Variants in XKR4 observed in about 807,000 individuals in gnomAD.
XKR4 encodes XK-related protein 4.
XKR4 carries 12 observed loss-of-function variants against 53.9 expected under a neutral mutation model. The ratio of observed to expected loss-of-function variants is 0.22; its 90% CI spans 0.14 to 0.36. XKR4 has a LOEUF of 0.36. Among genes scored for constraint, XKR4 ranks in the 10% least tolerant of loss-of-function variants. The probability of loss-of-function intolerance (pLI) is 1.00; values close to 1 mark genes in which losing one functional copy is unlikely to be tolerated. For synonymous variants in XKR4, 354 were observed against 362.4 expected (o/e 0.98, Z 0.26); for missense variants, 799 against 859.5 (o/e 0.93, Z 0.88).
At chr8:55,424,942 A>C (rs962156235) in intron 2 of XKR4, among the ~76,000 whole-genome samples, 1 of 152,222 alleles carries the variant, frequency 6.6e-6, no homozygotes, top group Non-Finnish European at 1.5e-5. Context: ...CCACGGTTTA[A>C]AAAAATGGCA....
intron 1 of XKR4, among the ~76,000 whole-genome samples, chr8:55,175,601 A>G (rs1817221113): frequency 6.6e-6 from 1 of 152,230 alleles, no homozygotes; most frequent in African/African-American, 2.4e-5. Context: ...TCCACAAAGA[A>G]TTGCATCCAT....
At chr8:55,454,081 C>A in intron 2 of XKR4, 1 of 823,356 alleles carries the variant, frequency 1.2e-6, no homozygotes, top group East Asian at 2.6e-5. Context: ...CTTTGTCCTG[C>A]ATATTCAAGG....
chr8:55,135,666 G>A (rs1400149926), intron 1 of XKR4: 3 of 455,806 alleles, frequency 6.6e-6, no homozygotes, highest in Admixed American at 2.4e-5. Flanking sequence ...CAAAAAACAG[G>A]GAGAGTAAAG....
At chr8:55,152,375 A>C (rs16921269) in intron 1 of XKR4, among the ~76,000 whole-genome samples, 2,916 of 152,292 alleles carry the variant, frequency 0.019, 136 homozygotes, top group Admixed American at 0.1. Flanking sequence ...AAATCCAATA[A>C]GATGTTCATT....
chr8:55,369,393 A>AGGGGG (rs1804038627), intron 2 of XKR4, among the ~76,000 whole-genome samples: 1 of 15,522 alleles, frequency 6.4e-5, no homozygotes, highest in Non-Finnish European at 1.1e-4. Flanking sequence ...AGGGGAGGGG[A>AGGGGG]GGGGAGGGGA....
chr8:55,357,730 G>A lies in XKR4; in HGVS notation c.859G>A (p.Asp287Asn). ...TCGAAGCCGACAGAGTGGGGAGAAT[G>A]ACAGATGGAGGTTTTACTGGAAAAT... ...GIRSRQSGEN[D>N]RWRFYWKMVY... The change falls in exon 2 of 3, where the codon GAC (aspartate) becomes AAC (asparagine). Residue 287 changes from aspartate to asparagine, a missense_variant. By Grantham distance (23) the Asp-to-Asn change is conservative. Around this residue, in one of 3 missense-constraint regions of XKR4, gnomAD observed 476 missense variants for 505.4 expected, o/e 0.94. Coordinates refer to ENST00000327381, the MANE Select transcript of XKR4 (RefSeq NM_052898.2). 1.2e-6 allele frequency: 2 copies of A among 1,614,228 alleles called. No homozygotes were observed. Among genetic ancestry groups the A allele is most frequent in the Non-Finnish European group, 1.7e-6 (2 of 1,180,042 alleles).
At chr8:55,327,189 A>T (rs1449687443) in intron 1 of XKR4, among the ~76,000 whole-genome samples, 1 of 152,160 alleles carries the variant, frequency 6.6e-6, no homozygotes, top group Non-Finnish European at 1.5e-5. Context: ...CTTCATAATC[A>T]TTGTAAACAA....
rs780058026 is a variant in XKR4 at position 55,530,587 on chromosome 8, T to C, written c.*6360T>C. ...GAACTGATACTAAAAAGGTAGCTGATAATAAACCAAAAATTTTCTCAACCC... is the reference window on the plus strand; with the variant it reads ...GAACTGATACTAAAAAGGTAGCTGACAATAAACCAAAAATTTTCTCAACCC... On this transcript the variant is annotated 3_prime_UTR_variant, in exon 3 of 3. Transcript: ENST00000327381. 5.3e-5 allele frequency: 8 copies of C among 152,218 alleles called. No homozygotes were observed. Among genetic ancestry groups the C allele is most frequent in the Non-Finnish European group, 1.0e-4 (7 of 68,034 alleles). 9.4% of individuals were successfully genotyped at this position (152,218 alleles called of 1,614,324 possible).
intron 1 of XKR4, among the ~76,000 whole-genome samples, chr8:55,208,238 C>T (rs1817677366): frequency 2.0e-5 from 3 of 152,074 alleles, no homozygotes; most frequent in East Asian, 1.9e-4. Flanking sequence ...AACTAGAGTC[C>T]TAGTGCTGTA....
intron 2 of XKR4, among the ~76,000 whole-genome samples, chr8:55,394,418 C>A (rs1279799271): frequency 6.6e-6 from 1 of 152,044 alleles, no homozygotes; most frequent in African/African-American, 2.4e-5. Flanking sequence ...CCTCATAGAG[C>A]TAAAAAAGTT....
intron 1 of XKR4, among the ~76,000 whole-genome samples, chr8:55,328,173 C>A (rs544968236): frequency 6.6e-6 from 1 of 152,158 alleles, no homozygotes; most frequent in Admixed American, 6.5e-5. Context: ...CCTGGTCCTG[C>A]CCTTGACACG....
rs75146010 is a variant in XKR4, at chr8:55,169,735, G to A, written c.806+66441G>A. Among the ~76,000 whole-genome samples, 997 of 152,234 alleles carry A rather than the reference G, an allele frequency of 6.5e-3. 11 individuals carry two copies. Among genetic ancestry groups the A allele is most frequent in the African/African-American group, 0.023 (938 of 41,516 alleles). On this transcript the variant is annotated intron_variant, in intron 1 of 2. Transcript: ENST00000327381. ...AAAGAAAGTGGTATTAAACTCTTTC[G>A]TTAATTAAATCAAAATTGAAAGTTG...
intron 2 of XKR4, among the ~76,000 whole-genome samples, chr8:55,468,384 T>A (rs962203168): frequency 1.3e-5 from 2 of 152,122 alleles, no homozygotes; most frequent in Non-Finnish European, 2.9e-5. Context: ...TGAAGCCAAC[T>A]TTTTCTAGAG....
chr8:55,418,770 C>G (rs1804885318), intron 2 of XKR4, among the ~76,000 whole-genome samples: 1 of 152,192 alleles, frequency 6.6e-6, no homozygotes, highest in South Asian at 2.1e-4. Flanking sequence ...GCCTGGAAGG[C>G]CCTTCCTGAC....
rs541462476 is a variant in XKR4 at position 55,533,997 on chromosome 8, C to T, written c.*9770C>T. On this transcript the variant is annotated 3_prime_UTR_variant, in exon 3 of 3. Coordinates refer to ENST00000327381, the MANE Select transcript of XKR4 (RefSeq NM_052898.2). ...CCGGGGGCTTGCATAGCTCAGAGAA[C>T]GGAGTACTGGGTCGTGGAGACTTGC... 3.3e-5 allele frequency: 5 copies of T among 151,956 alleles called. No individual in the cohort carries two copies. The highest frequency in any genetic ancestry group is 3.9e-4 in the East Asian group (2 of 5,184). 9.4% of individuals were successfully genotyped at this position (151,956 alleles called of 1,614,324 possible).
intron 1 of XKR4, among the ~76,000 whole-genome samples, chr8:55,170,623 G>A (rs1817144396): frequency 6.6e-6 from 1 of 151,836 alleles, no homozygotes. Context: ...GCTTGTTACA[G>A]CACCAATAAG....
intron 1 of XKR4, chr8:55,135,378 C>T (rs1472621598): frequency 3.7e-6 from 1 of 273,692 alleles, no homozygotes; most frequent in East Asian, 7.7e-5. Context: ...CTATTTAGAG[C>T]AGATCTTTAT....
At chr8:55,212,703 C>A (rs1817746026) in intron 1 of XKR4, among the ~76,000 whole-genome samples, 1 of 152,154 alleles carries the variant, frequency 6.6e-6, no homozygotes, top group Non-Finnish European at 1.5e-5. Context: ...AATTCAGAGG[C>A]TACTACTATG....
intron 1 of XKR4, among the ~76,000 whole-genome samples, chr8:55,139,908 A>G (rs1241264584): frequency 6.6e-6 from 1 of 152,224 alleles, no homozygotes; most frequent in African/African-American, 2.4e-5. Flanking sequence ...TTACTTAATT[A>G]AATATGTACA....
Sources: gnomAD v4.1 joint callset for allele counts (sites outside exome capture counted in the v4.1 genomes callset) on GRCh38, gnomAD v4.1.1 for gene constraint, gnomAD v4.1.1 regional missense constraint, MANE v1.5 for transcripts, NCBI Gene and HGNC (gene_info 2026-07-23, HGNC 2026-07-21) for gene names.